The following SCN2A variants were observed in gnomAD, a reference collection of about 807,000 sequenced individuals.
SCN2A encodes sodium channel protein type 2 subunit alpha.
In SCN2A, 20 loss-of-function variants were observed where a neutral mutation model predicts 188.7. The ratio of observed to expected loss-of-function variants is 0.11; its 90% confidence interval spans 0.07 to 0.15. The LOEUF is 0.15. SCN2A is among the 10% of genes least tolerant of loss of function. The pLI, the probability that SCN2A is intolerant of heterozygous loss-of-function variation, is 1.00. For synonymous variants in SCN2A, 804 were observed against 833.1 expected (o/e 0.97, Z 0.60); for missense variants, 1,278 against 2,445.0 (o/e 0.52, Z 10.07).
intron 14 of SCN2A, among the ~76,000 whole-genome samples, chr2:165,335,790 T>C (rs960599460): frequency 1.3e-5 from 2 of 151,732 alleles, no homozygotes; most frequent in Admixed American, 1.3e-4. Context: ...CTGCAAACAA[T>C]ATCATCAAGT....
chr2:165,365,385 C>T, intron 18 of SCN2A, 122 bp downstream of exon 18: 1 of 1,030,542 alleles, frequency 9.7e-7, no homozygotes, highest in African/African-American at 1.6e-5. Flanking sequence ...ATCTATCTAT[C>T]TATCTATCTA....
At chr2:165,240,659 C>CTGTGTGTGTGTGTGTGTGTG (rs35247335) in intron 1 of SCN2A, among the ~76,000 whole-genome samples, 1,984 of 136,362 alleles carry the variant, frequency 0.015, 42 homozygotes, top group Middle Eastern at 0.057. Flanking sequence ...GTGGAAAGAG[C>CTGTGTGTGTGTGTGTGTGTG]TGTGTGTGTG....
intron 1 of SCN2A, among the ~76,000 whole-genome samples, chr2:165,286,990 A>G (rs909241719): frequency 1.3e-5 from 2 of 152,196 alleles, no homozygotes; most frequent in African/African-American, 4.8e-5. Flanking sequence ...AGAGGTCTGC[A>G]GCAAACTTGA....
intron 1 of SCN2A, among the ~76,000 whole-genome samples, chr2:165,282,421 A>C (rs1160113020): frequency 2.0e-5 from 3 of 152,202 alleles, no homozygotes; most frequent in Admixed American, 2.0e-4. Flanking sequence ...AGGGACACTC[A>C]TATGGCTCTG....
intron 14 of SCN2A, among the ~76,000 whole-genome samples, chr2:165,335,176 A>G (rs1417313910): frequency 6.6e-6 from 1 of 151,468 alleles, no homozygotes; most frequent in East Asian, 1.9e-4. Flanking sequence ...AGATGGCAAT[A>G]CTCACCAAAT....
chr2:165,267,276 G>T (rs990233460), intron 1 of SCN2A: 1 of 152,044 alleles, frequency 6.6e-6, no homozygotes, highest in Non-Finnish European at 1.5e-5. Flanking sequence ...GATCAAAACA[G>T]CTTGGTACTG....
At chr2:165,337,582 G>A (rs572069104) in intron 14 of SCN2A, among the ~76,000 whole-genome samples, 13 of 152,002 alleles carry the variant, frequency 8.6e-5, no homozygotes, top group South Asian at 6.2e-4. Context: ...GGAAACAACC[G>A]GAAGAAAAAT....
intron 8 of SCN2A, 26 bp from the exon 9 acceptor site, chr2:165,313,594 C>T: frequency 1.2e-6 from 2 of 1,612,798 alleles, no homozygotes; most frequent in African/African-American, 1.3e-5. Flanking sequence ...TATTGACTTC[C>T]TTTCTTTCCT....
intron 23 of SCN2A, 97 bp downstream of exon 23, chr2:165,377,747 C>T (rs1198169498): frequency 1.0e-6 from 1 of 1,000,882 alleles, no homozygotes; most frequent in Non-Finnish European, 1.5e-6. Context: ...AAATTATGTG[C>T]TTAATTTATA....
chr2:165,358,110 G>A (rs531423736), intron 17 of SCN2A, among the ~76,000 whole-genome samples: 1 of 152,218 alleles, frequency 6.6e-6, no homozygotes, highest in Admixed American at 6.5e-5. Flanking sequence ...AAAAGTAAAA[G>A]TGCATGCCTT....
chr2:165,387,065 TG>T (rs1359348609), intron 26 of SCN2A, 49 bp downstream of exon 26: 1 of 1,577,594 alleles, frequency 6.3e-7, no homozygotes, highest in East Asian at 2.2e-5. Context: ...GGTAAAAATA[TG>T]TGTTTTAAAA....
chr2:165,344,526 A>C, intron 15 of SCN2A, 29 bp from the exon 16 acceptor site: 1 of 1,590,788 alleles, frequency 6.3e-7, no homozygotes, highest in Non-Finnish European at 8.6e-7. Context: ...AATGCAGAGC[A>C]TTAACACTGT....
chr2:165,357,787 C>G (rs1161279418), intron 17 of SCN2A, among the ~76,000 whole-genome samples: 2 of 152,098 alleles, frequency 1.3e-5, no homozygotes, highest in African/African-American at 4.8e-5. Context: ...TAAAATCAAG[C>G]TGGAGCCATC....
chr2:165,254,297 G>A (rs1170725967), intron 1 of SCN2A, among the ~76,000 whole-genome samples: 7 of 151,238 alleles, frequency 4.6e-5, no homozygotes, highest in African/African-American at 1.7e-4. Context: ...TACTATTTTG[G>A]ATCTTATTTT....
chr2:165,245,587 G>A (rs1693810060), intron 1 of SCN2A: 1 of 151,542 alleles, frequency 6.6e-6, no homozygotes, highest in African/African-American at 2.4e-5. Flanking sequence ...AGGCAGCTAG[G>A]ATCTGTGAGG....
At chr2:165,315,331 T>C in intron 10 of SCN2A, 140 bp from the exon 11 acceptor site, 4 of 1,350,504 alleles carry the variant, frequency 3.0e-6, no homozygotes, top group Non-Finnish European at 4.0e-6. Flanking sequence ...AATAACAATG[T>C]ACTGTTTTCT....
chr2:165,273,140 T>G (rs187219534), intron 1 of SCN2A: 64 of 152,302 alleles, frequency 4.2e-4, no homozygotes, highest in African/African-American at 1.5e-3. Flanking sequence ...TTTCTCTTGA[T>G]AAATCTCTTA....
chr2:165,380,593 T>G lies in SCN2A; in HGVS notation c.4310T>G (p.Val1437Gly). The part of the protein sequence containing the change: ...IMYAAVDSRN[V>G]ELQPKYEDNL... The stretch of plus-strand genomic sequence containing the variant: ...GTTACAATTCTTCATATTCTTTAGG[T>G]AGAATTACAACCCAAGTATGAAGAC... Residue 1437 changes from valine (V) to glycine (G), a missense_variant and splice_region_variant, in exon 24 of 27, where the codon GTA becomes GGA. This residue lies in a region of SCN2A where 97 missense variants were observed against 266.1 expected (regional missense o/e 0.36). Coordinates refer to ENST00000375437, the MANE Select transcript of SCN2A (RefSeq NM_001040142.2). 1 of 1,572,632 alleles carries G rather than the reference T, an allele frequency of 6.4e-7. No homozygotes were observed. Among genetic ancestry groups the G allele is most frequent in the Non-Finnish European group, 8.7e-7 (1 of 1,143,586 alleles).
chr2:165,294,191 C>G, intron 1 of SCN2A: 1 of 803,806 alleles, frequency 1.2e-6, no homozygotes, highest in Non-Finnish European at 1.5e-6. Context: ...TCTACCTTTA[C>G]AGTAGTAGAA....
Sources: gnomAD v4.1 joint callset for allele counts (sites outside exome capture counted in the v4.1 genomes callset) on GRCh38, gnomAD v4.1.1 for gene constraint, gnomAD v4.1.1 regional missense constraint, MANE v1.5 for transcripts, NCBI Gene and HGNC (gene_info 2026-07-23, HGNC 2026-07-21) for gene names.